The following NALF1 variants were observed in gnomAD, a reference collection of about 807,000 sequenced individuals.
The protein encoded by NALF1 is NALCN channel auxiliary factor 1.
In NALF1, 3 loss-of-function variants were observed where a neutral mutation model predicts 48.4. The observed-to-expected ratio is 0.06, with a 90% CI of 0.03 to 0.16. The LOEUF is 0.16. NALF1 is among the 10% of genes least tolerant of loss of function. The pLI, the probability that NALF1 is intolerant of heterozygous loss-of-function variation, is 1.00. For missense variants in NALF1, 526 were observed against 571.5 expected (o/e 0.92, Z 0.81); for synonymous variants, 262 against 245.7 (o/e 1.07, Z -0.62).
chr13:107,378,647 T>C (rs1883380729), intron 1 of NALF1, among the ~76,000 whole-genome samples: 2 of 152,166 alleles, frequency 1.3e-5, no homozygotes, highest in Non-Finnish European at 2.9e-5. Flanking sequence ...AACATTTAGC[T>C]GAGTATTTAA....
At chr13:107,197,710 A>G (rs1321154049) in intron 2 of NALF1, among the ~76,000 whole-genome samples, 1 of 152,142 alleles carries the variant, frequency 6.6e-6, no homozygotes, top group Non-Finnish European at 1.5e-5. Context: ...CAGCTCTGTG[A>G]TTTTACGTGA....
Position 107,402,565 on chromosome 13 carries a change from C to T in NALF1, c.916-191810G>A, listed in dbSNP as rs1456611320. ...CCAATACAGTGTCTTTCATTATTCA[C>T]TGGTTTTCTTTCAGTTATGTATGTT... is the stretch of plus-strand genomic sequence containing the variant. On this transcript the variant is annotated intron_variant, in intron 1 of 2. Transcript: ENST00000375915. Among the ~76,000 whole-genome samples, 3 of 152,172 alleles carry T rather than the reference C, an allele frequency of 2.0e-5. No individual in the cohort carries two copies. The East Asian group carries it at 5.8e-4, about 29-fold the overall frequency.
intron 1 of NALF1, among the ~76,000 whole-genome samples, chr13:107,557,497 C>T (rs915095901): frequency 3.3e-5 from 5 of 152,024 alleles, no homozygotes; most frequent in Admixed American, 3.3e-4. Flanking sequence ...GTTTGGCCTA[C>T]TAACAACACT....
intron 1 of NALF1, among the ~76,000 whole-genome samples, chr13:107,321,876 AC>A (rs200807099): frequency 0.01 from 1,573 of 152,230 alleles, 12 homozygotes; most frequent in Middle Eastern, 0.044. Flanking sequence ...ACCTAAAAAA[AC>A]GGTATATATT....
chr13:107,445,504 C>T (rs1042902568), intron 1 of NALF1, among the ~76,000 whole-genome samples: 1 of 152,126 alleles, frequency 6.6e-6, no homozygotes, highest in African/African-American at 2.4e-5. Flanking sequence ...TGGGCTACTA[C>T]AAATAGAGCT....
intron 1 of NALF1, among the ~76,000 whole-genome samples, chr13:107,860,800 T>C (rs1880551198): frequency 6.6e-6 from 1 of 152,230 alleles, no homozygotes; most frequent in African/African-American, 2.4e-5. Flanking sequence ...TCTCGTACAT[T>C]AAACCTGGTA....
chr13:107,777,880 T>C (rs1217399545), intron 1 of NALF1, among the ~76,000 whole-genome samples: 1 of 152,230 alleles, frequency 6.6e-6, no homozygotes, highest in Non-Finnish European at 1.5e-5. Flanking sequence ...TGTATGTTTA[T>C]GGAATTTATA....
chr13:107,237,969 A>G (rs974432730), intron 1 of NALF1, among the ~76,000 whole-genome samples: 2 of 152,212 alleles, frequency 1.3e-5, no homozygotes, highest in Middle Eastern at 3.2e-3. Flanking sequence ...ACTAGAAGAT[A>G]GAGTGTATGT....
intron 1 of NALF1, among the ~76,000 whole-genome samples, chr13:107,412,966 G>C (rs984948247): frequency 1.3e-5 from 2 of 152,064 alleles, no homozygotes; most frequent in African/African-American, 4.8e-5. Context: ...ATTTTATCAG[G>C]AAAATATGAT....
At chr13:107,426,914 C>T (rs563207326) in intron 1 of NALF1, among the ~76,000 whole-genome samples, 25 of 151,970 alleles carry the variant, frequency 1.6e-4, no homozygotes, top group African/African-American at 6.0e-4. Context: ...AAATATCATA[C>T]AGTTATTAAA....
chr13:107,636,180 C>T (rs1879971874), intron 1 of NALF1, among the ~76,000 whole-genome samples: 1 of 152,084 alleles, frequency 6.6e-6, no homozygotes, highest in Non-Finnish European at 1.5e-5. Context: ...TCACATCCCT[C>T]CTGCACAGCG....
intron 1 of NALF1, among the ~76,000 whole-genome samples, chr13:107,451,778 C>T (rs1884745051): frequency 6.6e-6 from 1 of 152,124 alleles, no homozygotes; most frequent in Non-Finnish European, 1.5e-5. Context: ...TTTGTCTATC[C>T]CTCCTCTCTA....
chr13:107,562,374 T>A (rs1221777118), intron 1 of NALF1, among the ~76,000 whole-genome samples: 1 of 152,212 alleles, frequency 6.6e-6, no homozygotes, highest in Non-Finnish European at 1.5e-5. Context: ...GTGCCACTCA[T>A]GTCTGATCAC....
chr13:107,601,599 G>C (rs929749086), intron 1 of NALF1, among the ~76,000 whole-genome samples: 2 of 151,982 alleles, frequency 1.3e-5, no homozygotes, highest in African/African-American at 4.8e-5. Context: ...AATTTCTCAG[G>C]GTGTAGGAAT....
At chr13:107,750,449 C>G (rs1233996241) in intron 1 of NALF1, among the ~76,000 whole-genome samples, 1 of 151,704 alleles carries the variant, frequency 6.6e-6, no homozygotes, top group African/African-American at 2.4e-5. Context: ...TACAATTTTC[C>G]TGAAATTTTA....
At chr13:107,713,118 C>A (rs1029529679) in intron 1 of NALF1, among the ~76,000 whole-genome samples, 1 of 152,192 alleles carries the variant, frequency 6.6e-6, no homozygotes, top group Non-Finnish European at 1.5e-5. Context: ...ACATCAGGGG[C>A]TACGGCAAAG....
chr13:107,810,260 A>G (rs553373300), intron 1 of NALF1, among the ~76,000 whole-genome samples: 70 of 152,234 alleles, frequency 4.6e-4, no homozygotes, highest in African/African-American at 1.7e-3. Flanking sequence ...ACACTTTTAA[A>G]CAGTCATGTA....
intron 1 of NALF1, among the ~76,000 whole-genome samples, chr13:107,269,043 G>T (rs186871026): frequency 2.9e-4 from 44 of 152,058 alleles, no homozygotes; most frequent in Admixed American, 2.4e-3. Flanking sequence ...CACGCCTGTG[G>T]TCCCACGTCC....
Position 107,169,046 on chromosome 13 carries a change from G to A in NALF1, c.*1451C>T, listed in dbSNP as rs967958365. 4.6e-5 allele frequency: 7 copies of A among 152,336 alleles called. No homozygotes were observed. The highest frequency in any genetic ancestry group is 2.1e-4 in the South Asian group (1 of 4,818). The allele number at this position is 152,336 out of a possible 1,614,324, so 9.4% of individuals were successfully genotyped here. A position where few individuals can be genotyped will look rare whatever the true frequency, so the allele number is the denominator to read the frequency against. ...AACTCTTCCTTCCACTGATTCTACT[G>A]TAAACTCATAAAAGCCTTTTATAGA... On this transcript the variant is annotated 3_prime_UTR_variant, in exon 3 of 3. Coordinates refer to ENST00000375915, the MANE Select transcript of NALF1 (RefSeq NM_001080396.3).
Sources: allele counts gnomAD v4.1 joint callset (sites outside exome capture counted in the v4.1 genomes callset), GRCh38; gene constraint gnomAD v4.1.1; transcripts MANE v1.5; gene names NCBI Gene and HGNC (gene_info 2026-07-23, HGNC 2026-07-21).